Variants in PALM2AKAP2 observed in about 807,000 individuals in gnomAD.
The protein encoded by PALM2AKAP2 is PALM2 and AKAP2 fusion.
PALM2AKAP2 carries 37 observed loss-of-function variants against 71.5 expected under a neutral mutation model. That is an observed-to-expected ratio of 0.52 (90% CI 0.40 to 0.68). The LOEUF (loss-of-function observed/expected upper bound fraction) is 0.68. Among genes scored for constraint, PALM2AKAP2 ranks in the 30% least tolerant of loss-of-function variants. The pLI is 0.00. For synonymous variants in PALM2AKAP2, 468 were observed against 478.8 expected (o/e 0.98, Z 0.29); for missense variants, 1,224 against 1,191.8 (o/e 1.03, Z -0.40).
rs142678107 is a variant in PALM2AKAP2, at chr9:109,849,282, G to A, written c.46-18209G>A. On this transcript the variant is annotated intron_variant, in intron 1 of 9. Transcript: ENST00000302798. ...GCCCCAGGACTCTGCATTGGCATTC[G>A]TCAGTAAGTTTTGAAGGAGGCAGAC... Among the ~76,000 whole-genome samples the A allele has an allele frequency of 9.9e-3, 1,511 of 152,276 alleles. 13 individuals carry two copies. The highest frequency in any genetic ancestry group is 0.017 in the Admixed American group (265 of 15,304).
At chr9:110,137,113 A>G in exon 2 of PALM2AKAP2, 3 of 1,613,470 alleles carry the variant, frequency 1.9e-6, no homozygotes, top group East Asian at 2.2e-5. Context: ...AGCAGCCCCC[A>G]TCGCAGCTCT....
intron 6 of PALM2AKAP2, among the ~76,000 whole-genome samples, chr9:109,939,347 C>T (rs1831305683): frequency 6.6e-6 from 1 of 152,282 alleles, no homozygotes. Context: ...ATTGGACCAA[C>T]AATGATCAGC....
intron 6 of PALM2AKAP2, among the ~76,000 whole-genome samples, chr9:110,014,818 A>G (rs1430639352): frequency 0.026 from 1,701 of 64,546 alleles, 145 homozygotes; most frequent in East Asian, 0.089. Flanking sequence ...ATATATATAT[A>G]TATATATATA....
intron 1 of PALM2AKAP2, among the ~76,000 whole-genome samples, chr9:110,109,771 C>A (rs1835203509): frequency 1.3e-5 from 2 of 152,028 alleles, no homozygotes; most frequent in Non-Finnish European, 2.9e-5. Flanking sequence ...GGGACAGATA[C>A]AGGAAAAGGG....
chr9:109,941,107 C>A (rs1408868302), intron 6 of PALM2AKAP2, among the ~76,000 whole-genome samples: 4 of 148,542 alleles, frequency 2.7e-5, no homozygotes, highest in African/African-American at 9.9e-5. Flanking sequence ...TTTTTTCTTC[C>A]TTCTCCTTCC....
At chr9:109,840,322 G>A (rs1316561761) in intron 1 of PALM2AKAP2, among the ~76,000 whole-genome samples, 1 of 152,160 alleles carries the variant, frequency 6.6e-6, no homozygotes, top group Non-Finnish European at 1.5e-5. Flanking sequence ...TATGTAGAAA[G>A]CTGAAACTGG....
At chr9:110,101,182 G>A (rs1301125488) in intron 1 of PALM2AKAP2, among the ~76,000 whole-genome samples, 2 of 152,024 alleles carry the variant, frequency 1.3e-5, no homozygotes, top group Admixed American at 6.6e-5. Flanking sequence ...TCTTATCCCC[G>A]CTTCAGCCTT....
intron 1 of PALM2AKAP2, 116 bp from the exon 2 acceptor site, chr9:109,867,375 G>C: frequency 1.7e-6 from 2 of 1,169,304 alleles, no homozygotes; most frequent in South Asian, 2.6e-5. Flanking sequence ...GTGTGTGCCC[G>C]GTGTCTCTGG....
intron 6 of PALM2AKAP2, among the ~76,000 whole-genome samples, chr9:109,994,718 G>A (rs937389311): frequency 2.0e-5 from 3 of 151,850 alleles, no homozygotes; most frequent in African/African-American, 4.8e-5. Context: ...TCTCCCCTCC[G>A]CCACCCCACA....
exon 3 of PALM2AKAP2, chr9:110,156,342 C>T: frequency 1.3e-6 from 2 of 1,595,152 alleles, no homozygotes; most frequent in East Asian, 4.5e-5. Flanking sequence ...AGTCAAACCT[C>T]CTCCATCCCC....
At chr9:109,970,362 G>C (rs541186284) in intron 6 of PALM2AKAP2, among the ~76,000 whole-genome samples, 4 of 152,292 alleles carry the variant, frequency 2.6e-5, no homozygotes, top group East Asian at 1.9e-4. Flanking sequence ...CAACTGTGGA[G>C]GGACACGGAT....
At chr9:109,800,932 G>A (rs910617194) in intron 1 of PALM2AKAP2, among the ~76,000 whole-genome samples, 1 of 152,238 alleles carries the variant, frequency 6.6e-6, no homozygotes, top group Non-Finnish European at 1.5e-5. Flanking sequence ...TGGCTTATGT[G>A]TCAGTGTGGT....
intron 1 of PALM2AKAP2, among the ~76,000 whole-genome samples, chr9:109,771,694 A>G (rs893877144): frequency 2.6e-5 from 4 of 152,192 alleles, no homozygotes; most frequent in Admixed American, 1.3e-4. Context: ...GACAGAAAAT[A>G]GTGTAAGAAG....
chr9:110,097,967 CG>C (rs1834894629), intron 1 of PALM2AKAP2, among the ~76,000 whole-genome samples: 1 of 143,458 alleles, frequency 7.0e-6, no homozygotes, highest in African/African-American at 2.9e-5. Flanking sequence ...GAGACCAGCC[CG>C]GCCAACACAG....
At chr9:110,112,610 T>C (rs373351809) in intron 1 of PALM2AKAP2, among the ~76,000 whole-genome samples, 9 of 152,194 alleles carry the variant, frequency 5.9e-5, no homozygotes, top group Non-Finnish European at 1.2e-4. Context: ...TTAGAGTATA[T>C]GATAAAGTAG....
Position 110,138,521 on chromosome 9 carries a change from T to TC in PALM2AKAP2, c.2551_2552insC (p.Cys851SerfsTer21). 6.2e-7 allele frequency: 1 copy of TC among 1,607,316 alleles called. No homozygotes were observed. The highest frequency in any genetic ancestry group is 2.2e-5 in the East Asian group (1 of 44,826). On this transcript the variant is annotated frameshift_variant, in exon 2 of 4. Coordinates refer to ENST00000374525, the Ensembl canonical transcript of PALM2AKAP2. LOFTEE classifies it high-confidence loss of function. ...TGCCCCATCACTGCCCTCCAGAACA[T>TC]GCTACAAAACTGCTCCAGGTAAGTG... is the stretch of plus-strand genomic sequence containing the variant.
intron 1 of PALM2AKAP2, among the ~76,000 whole-genome samples, chr9:109,667,818 GGT>G (rs1275043648): frequency 6.6e-6 from 1 of 151,612 alleles, no homozygotes; most frequent in African/African-American, 2.4e-5. Flanking sequence ...ACAACAATAA[GGT>G]AAATATAACC....
intron 3 of PALM2AKAP2, among the ~76,000 whole-genome samples, chr9:109,899,682 C>G (rs1830286103): frequency 6.6e-6 from 1 of 152,206 alleles, no homozygotes; most frequent in African/African-American, 2.4e-5. Flanking sequence ...CATTCCATTG[C>G]TGACCACTCC....
At chr9:109,943,061 G>A in intron 6 of PALM2AKAP2, 1 of 1,614,214 alleles carries the variant, frequency 6.2e-7, no homozygotes, top group South Asian at 1.1e-5. Context: ...GGGAACCCAG[G>A]GCAGCAGGCC....
Sources: allele counts gnomAD v4.1 joint callset (sites outside exome capture counted in the v4.1 genomes callset), GRCh38; gene constraint gnomAD v4.1.1; transcripts MANE v1.5; gene names NCBI Gene and HGNC (gene_info 2026-07-23, HGNC 2026-07-21).